The following ESRRG variants were observed in gnomAD, a reference collection of about 807,000 sequenced individuals.
ESRRG encodes estrogen related receptor gamma, also known as estrogen-related receptor gamma.
A neutral mutation model predicts 44.0 loss-of-function variants in ESRRG; 13 were observed. That is an observed-to-expected ratio of 0.30 (90% CI 0.19 to 0.47). The LOEUF (loss-of-function observed/expected upper bound fraction) is 0.47, where lower values mean the gene tolerates loss of function less well. ESRRG is among the 20% of genes least tolerant of loss of function. The probability of loss-of-function intolerance (pLI) is 1.00; values close to 1 mark genes in which losing one functional copy is unlikely to be tolerated. For synonymous variants in ESRRG, 215 were observed against 214.6 expected (o/e 1.00, Z -0.02); for missense variants, 395 against 580.6 (o/e 0.68, Z 3.29).
At chr1:216,774,798 C>CTTTTTTTT (rs58598227) in intron 2 of ESRRG, among the ~76,000 whole-genome samples, 4 of 110,846 alleles carry the variant, frequency 3.6e-5, no homozygotes, top group Admixed American at 2.2e-4. Flanking sequence ...ATAATTTCTT[C>CTTTTTTTT]TTTTTTTTTT....
At chr1:216,831,794 TGGG>T (rs2095491718) in intron 2 of ESRRG, among the ~76,000 whole-genome samples, 1 of 147,382 alleles carries the variant, frequency 6.8e-6, no homozygotes, top group Non-Finnish European at 1.5e-5. Context: ...TTTTCAAATG[TGGG>T]GCCTGGTCAG....
chr1:217,133,635 C>CTTTCTT (rs1558298142), intron 1 of ESRRG, among the ~76,000 whole-genome samples: 52 of 87,068 alleles, frequency 6.0e-4, no homozygotes, highest in East Asian at 2.7e-3. Context: ...CTTTCTTTCT[C>CTTTCTT]TCTCTCTCTC....
At chr1:216,953,855 ATATAAT>A (rs1436152608) in intron 1 of ESRRG, among the ~76,000 whole-genome samples, 2 of 152,136 alleles carry the variant, frequency 1.3e-5, no homozygotes, top group African/African-American at 4.8e-5. Flanking sequence ...AATATAACAG[ATATAAT>A]TATAACTATT....
chr1:216,828,918 C>T (rs764815384), intron 2 of ESRRG, among the ~76,000 whole-genome samples: 5 of 152,058 alleles, frequency 3.3e-5, no homozygotes, highest in Non-Finnish European at 7.4e-5. Flanking sequence ...ATTTGTCAAC[C>T]CACTCATGTC....
rs74141751 is a variant in ESRRG at position 217,110,903 on chromosome 1, C to T, written c.-230+26764G>A. ...GACTCTAATTTTTGCTGTGTCTTTT[C>T]GGTTTCCAAGCCATTGCATGTATCT... On this transcript the variant is annotated intron_variant, in intron 1 of 8. Coordinates refer to the ESRRG transcript ENST00000366940. Among the ~76,000 whole-genome samples the T allele has an allele frequency of 5.3e-5, 8 of 152,270 alleles. No individual in the cohort carries two copies. The South Asian group carries it at 1.2e-3, about 24-fold the overall frequency.
intron 1 of ESRRG, among the ~76,000 whole-genome samples, chr1:217,134,481 C>A (rs548641729): frequency 6.6e-5 from 10 of 152,284 alleles, no homozygotes; most frequent in Non-Finnish European, 1.5e-4. Context: ...GTTCTTAATT[C>A]CTCCCTACCC....
At chr1:216,648,122 A>G (rs1056488744) in intron 3 of ESRRG, among the ~76,000 whole-genome samples, 2 of 152,192 alleles carry the variant, frequency 1.3e-5, no homozygotes, top group East Asian at 1.9e-4. Flanking sequence ...CTCTCCATCC[A>G]TAAAGATACA....
At chr1:216,837,746 G>A (rs1224275833) in intron 2 of ESRRG, among the ~76,000 whole-genome samples, 1 of 152,190 alleles carries the variant, frequency 6.6e-6, no homozygotes, top group Non-Finnish European at 1.5e-5. Flanking sequence ...CCACCCTGAG[G>A]AAAGATGACC....
At chr1:216,743,452 A>T (rs1297996164) in intron 2 of ESRRG, among the ~76,000 whole-genome samples, 1 of 152,196 alleles carries the variant, frequency 6.6e-6, no homozygotes, top group East Asian at 1.9e-4. Flanking sequence ...TATATTAAAA[A>T]ATATAAAAGT....
intron 1 of ESRRG, among the ~76,000 whole-genome samples, chr1:217,119,010 G>T (rs72743325): frequency 0.03 from 666 of 22,506 alleles, 3 homozygotes; most frequent in African/African-American, 0.06. Flanking sequence ...TAGATGGATA[G>T]ATAGATAGAT....
chr1:216,573,985 G>C (rs907689467), intron 3 of ESRRG, among the ~76,000 whole-genome samples: 3 of 151,958 alleles, frequency 2.0e-5, no homozygotes, highest in African/African-American at 7.2e-5. Context: ...AGGTGGCAAA[G>C]CCTGTCTCTG....
intron 2 of ESRRG, among the ~76,000 whole-genome samples, chr1:216,786,377 A>T (rs1440408684): frequency 6.6e-6 from 1 of 152,166 alleles, no homozygotes; most frequent in Admixed American, 6.6e-5. Flanking sequence ...AAGTAAGTAC[A>T]TGTAATGGCA....
rs376427526 is a variant in ESRRG, at chr1:216,924,187, T to C, written c.-14+15395A>G. On this transcript the variant is annotated intron_variant, in intron 2 of 7. Coordinates refer to the ESRRG transcript ENST00000359162. ...CACAGCTCTGATTGGAAAGCTGCTA[T>C]GATTTGTATATTTCCATGACTGCTA... 8.7e-4 allele frequency among the ~76,000 whole-genome samples: 132 copies of C among 152,276 alleles called. 1 individual carries two copies. Among genetic ancestry groups the C allele is most frequent in the African/African-American group, 3.0e-3 (124 of 41,566 alleles).
chr1:216,707,633 T>A (rs778414644), intron 1 of ESRRG: 1 of 799,776 alleles, frequency 1.3e-6, no homozygotes, highest in Non-Finnish European at 1.9e-6. Context: ...ATCCCATTTT[T>A]AAATGTTTTA....
chr1:216,999,321 A>G (rs1431350896), intron 1 of ESRRG, among the ~76,000 whole-genome samples: 2 of 152,244 alleles, frequency 1.3e-5, no homozygotes, highest in Non-Finnish European at 2.9e-5. Context: ...TGTTATGGGT[A>G]CTATCCATAA....
At chr1:216,865,187 C>CAAAAAAAAAAAAAAAAAAAAAA (rs548064265) in intron 2 of ESRRG, 30 of 49,242 alleles carry the variant, frequency 6.1e-4, no homozygotes, top group South Asian at 1.8e-3. Flanking sequence ...AGCTGTGCAG[C>CAAAAAAAAAAAAAAAAAAAAAA]AAAAAAAAAA....
chr1:216,974,923 T>A (rs1170877550), intron 1 of ESRRG, among the ~76,000 whole-genome samples: 1 of 152,004 alleles, frequency 6.6e-6, no homozygotes, highest in Non-Finnish European at 1.5e-5. Context: ...CAGGCTACAA[T>A]CATGCTTTAA....
chr1:217,113,815 C>A (rs1650139808), intron 1 of ESRRG, among the ~76,000 whole-genome samples: 1 of 151,992 alleles, frequency 6.6e-6, no homozygotes, highest in African/African-American at 2.4e-5. Flanking sequence ...CATAGTGAGA[C>A]TTCATCTCTA....
intron 1 of ESRRG, among the ~76,000 whole-genome samples, chr1:216,707,797 G>A (rs1404126958): frequency 6.6e-6 from 1 of 152,154 alleles, no homozygotes; most frequent in Non-Finnish European, 1.5e-5. Context: ...AAGAACACAT[G>A]TAATATTTTT....
Sources: gnomAD v4.1 joint callset for allele counts (sites outside exome capture counted in the v4.1 genomes callset) on GRCh38, gnomAD v4.1.1 for gene constraint, MANE v1.5 for transcripts, NCBI Gene and HGNC (gene_info 2026-07-23, HGNC 2026-07-21) for gene names.